FGFR2: variants seen among roughly 807,000 people sequenced by gnomAD.
FGFR2 encodes the protein BEK fibroblast growth factor receptor.
FGFR2 carries 19 observed loss-of-function variants against 95.9 expected under a neutral mutation model. The observed-to-expected ratio is 0.20, with a 90% CI of 0.14 to 0.29. The LOEUF (loss-of-function observed/expected upper bound fraction) is 0.29, where lower values mean the gene tolerates loss of function less well. Ranked by LOEUF, FGFR2 falls within the 10% of genes least tolerant of loss-of-function variation. The pLI, the probability that FGFR2 is intolerant of heterozygous loss-of-function variation, is 1.00. For missense variants in FGFR2, 707 were observed against 1,056.9 expected (o/e 0.67, Z 4.59); for synonymous variants, 392 against 393.3 (o/e 1.00, Z 0.04).
chr10:121,523,638 C>A (rs576823888), intron 6 of FGFR2, among the ~76,000 whole-genome samples: 1 of 152,332 alleles, frequency 6.6e-6, no homozygotes, highest in East Asian at 1.9e-4. Flanking sequence ...TTTATTCCTT[C>A]ACACAGAAAT....
intron 9 of FGFR2, among the ~76,000 whole-genome samples, chr10:121,508,971 C>T (rs529382506): frequency 6.6e-6 from 1 of 152,356 alleles, no homozygotes. Flanking sequence ...CCTGGGCAGG[C>T]CATTCCCCTG....
intron 2 of FGFR2, among the ~76,000 whole-genome samples, chr10:121,574,709 G>A (rs905201383): frequency 1.3e-5 from 2 of 152,126 alleles, no homozygotes; most frequent in African/African-American, 4.8e-5. Context: ...CGACTTGCAA[G>A]AAGACCAAAT....
intron 9 of FGFR2, among the ~76,000 whole-genome samples, chr10:121,512,891 C>T (rs552917241): frequency 4.6e-5 from 7 of 151,914 alleles, no homozygotes; most frequent in Admixed American, 2.0e-4. Flanking sequence ...TTTTTAAAGA[C>T]GGAGTTTTAC....
chr10:121,501,059 C>T (rs896698759), intron 10 of FGFR2, 112 bp from the exon 11 acceptor site: 2 of 1,475,116 alleles, frequency 1.4e-6, no homozygotes, highest in African/African-American at 2.8e-5. Flanking sequence ...GCATGGAGTG[C>T]TTATCATATG....
chr10:121,526,857 C>T (rs1012059010), intron 6 of FGFR2: 8 of 398,270 alleles, frequency 2.0e-5, no homozygotes, highest in African/African-American at 1.4e-4. Context: ...GTGTCCGCAT[C>T]TTCTGTCTGG....
At chr10:121,526,938 T>C in intron 6 of FGFR2, 4 of 394,096 alleles carry the variant, frequency 1.0e-5, no homozygotes, top group East Asian at 3.6e-5. Flanking sequence ...CACGTCTCTT[T>C]GCAGAGAGAG....
intron 9 of FGFR2, among the ~76,000 whole-genome samples, chr10:121,514,648 G>A (rs1849450926): frequency 6.6e-6 from 1 of 152,052 alleles, no homozygotes; most frequent in African/African-American, 2.4e-5. Flanking sequence ...GCACCCCCAG[G>A]GCATAAGATA....
chr10:121,515,590 C>T (rs1417781069), intron 8 of FGFR2, among the ~76,000 whole-genome samples: 1 of 151,956 alleles, frequency 6.6e-6, no homozygotes, highest in Admixed American at 6.6e-5. Flanking sequence ...GCTATGAGGC[C>T]ACATTTTGTT....
intron 9 of FGFR2, among the ~76,000 whole-genome samples, chr10:121,506,038 T>C (rs1292059763): frequency 6.6e-6 from 1 of 152,002 alleles, no homozygotes; most frequent in Non-Finnish European, 1.5e-5. Context: ...GAGGATATCA[T>C]GGGCAAGAAG....
At position 121,531,902 on chromosome 10, in the gene FGFR2, TC is replaced by T. The variant is rs1414775741; in HGVS notation, c.748+6689del. Among the ~76,000 whole-genome samples, 1 of 152,114 alleles carries T rather than the reference TC, an allele frequency of 6.6e-6. No homozygotes were observed. The highest frequency in any genetic ancestry group is 1.5e-5 in the Non-Finnish European group (1 of 68,016). Reference sequence around the variant, plus strand: ...ACGAAAGCGGCAAAAGGAAGGTGCTTCCTCCTCAACTCCGCTCCGGTTCCGT... The same window carrying T: ...ACGAAAGCGGCAAAAGGAAGGTGCTTCTCCTCAACTCCGCTCCGGTTCCGT... On this transcript the variant is annotated intron_variant, in intron 6 of 17. Coordinates refer to ENST00000358487, the MANE Select transcript of FGFR2 (RefSeq NM_000141.5). This position sits in a 1 kb window ranked among gnomAD's most constrained non-coding sequence, Gnocchi z 4.5.
At chr10:121,562,402 A>G (rs543027952) in intron 4 of FGFR2, among the ~76,000 whole-genome samples, 11 of 152,028 alleles carry the variant, frequency 7.2e-5, no homozygotes, top group African/African-American at 2.4e-4. Flanking sequence ...CTCATGCCTC[A>G]GCCTCCCGAG....
At chr10:121,494,753 G>A (rs375404470) in intron 13 of FGFR2, among the ~76,000 whole-genome samples, 32 of 152,220 alleles carry the variant, frequency 2.1e-4, no homozygotes, top group East Asian at 1.5e-3. Context: ...TTTATGGCTG[G>A]ACCACTTAAA....
chr10:121,538,650 G>A lies in FGFR2; in HGVS notation c.690C>T (p.Thr230=). Residue 230 remains threonine, a synonymous_variant, in exon 6 of 18, where the codon ACC becomes ACT. Coordinates refer to ENST00000358487, the MANE Select transcript of FGFR2 (RefSeq NM_000141.5). ...SVVPSDKGNY[T]CVVENEYGSI... is the part of the protein sequence containing the mutation. ...ACCCGTATTCATTCTCCACTACACA[G>A]GTATAATTTCCCTTGTCAGATGGGA... 1 of 1,614,102 alleles carries A rather than the reference G, an allele frequency of 6.2e-7. No homozygotes were observed.
At chr10:121,597,721 A>G (rs1467105416) in intron 1 of FGFR2, among the ~76,000 whole-genome samples, 1 of 152,232 alleles carries the variant, frequency 6.6e-6, no homozygotes, top group Admixed American at 6.5e-5. Flanking sequence ...CAACGCCAGA[A>G]GCAGATGTCA....
At chr10:121,482,353 T>C (rs898160586) in intron 17 of FGFR2, among the ~76,000 whole-genome samples, 3 of 152,224 alleles carry the variant, frequency 2.0e-5, no homozygotes, top group African/African-American at 7.2e-5. Flanking sequence ...ATCTCTTCCT[T>C]TATCCAGCAC....
intron 2 of FGFR2, chr10:121,566,039 A>C: frequency 2.4e-6 from 1 of 414,620 alleles, no homozygotes; most frequent in Non-Finnish European, 4.5e-6. Context: ...TACCTGCAAA[A>C]ATCTGTTATT....
At chr10:121,587,801 A>G (rs988674962) in intron 2 of FGFR2, among the ~76,000 whole-genome samples, 1 of 152,258 alleles carries the variant, frequency 6.6e-6, no homozygotes, top group African/African-American at 2.4e-5. Context: ...GTAGGAGTGC[A>G]AATTAGCCCA....
intron 5 of FGFR2, among the ~76,000 whole-genome samples, chr10:121,544,212 C>A (rs141463235): frequency 0.011 from 1,696 of 152,070 alleles, 51 homozygotes; most frequent in East Asian, 0.069. Flanking sequence ...CTTTGGGAGG[C>A]TGAGGTGGGT....
intron 13 of FGFR2, among the ~76,000 whole-genome samples, chr10:121,494,077 A>G (rs908092274): frequency 4.6e-5 from 7 of 151,872 alleles, no homozygotes; most frequent in Admixed American, 3.9e-4. Flanking sequence ...ACAGGGGCTC[A>G]GCCTTCCCAT....
Sources: gnomAD v4.1 joint callset for allele counts (sites outside exome capture counted in the v4.1 genomes callset) on GRCh38, gnomAD v4.1.1 for gene constraint, Gnocchi (gnomAD v3.1) non-coding constraint, MANE v1.5 for transcripts, NCBI Gene and HGNC (gene_info 2026-07-23, HGNC 2026-07-21) for gene names.